Variants in PGAP2 observed in about 807,000 individuals in gnomAD.
PGAP2 encodes the protein post-GPI attachment to proteins 2, also known as acyltransferase PGAP2.
In PGAP2, 21 loss-of-function variants were observed where a neutral mutation model predicts 33.2. That is an observed-to-expected ratio of 0.63 (90% confidence interval 0.45 to 0.91). The LOEUF (loss-of-function observed/expected upper bound fraction) is 0.91. Among genes scored for constraint, PGAP2 ranks in the 40% least tolerant of loss-of-function variants. The pLI is 0.00. For synonymous variants in PGAP2, 161 were observed against 172.9 expected (o/e 0.93, Z 0.54); for missense variants, 345 against 424.0 (o/e 0.81, Z 1.64).
At chr11:3,807,053 A>T (rs1430686973), upstream of PGAP2, among the ~76,000 whole-genome samples, 1 of 149,748 alleles carries the variant, frequency 6.7e-6, no homozygotes, top group African/African-American at 2.5e-5. Flanking sequence ...GAAAAAAAAA[A>T]GGCCAGGCGC....
At chr11:3,803,468 C>A (rs536733488) in intron 1 of PGAP2, among the ~76,000 whole-genome samples, 2 of 151,874 alleles carry the variant, frequency 1.3e-5, no homozygotes, top group South Asian at 4.2e-4. Context: ...CACTCTGTCA[C>A]CCAGGCTGGA....
rs573519857 is a variant in PGAP2 at position 3,817,417 on chromosome 11, G to A, written c.230G>A (p.Arg77Gln). 2.4e-5 allele frequency: 39 copies of A among 1,614,144 alleles called. No individual in the cohort carries two copies. The highest frequency in any genetic ancestry group is 6.6e-5 in the South Asian group (6 of 91,080). The change falls in exon 3 of 7, where the codon CGG becomes CAG. Residue 77 changes from arginine (R) to glutamine (Q), a missense_variant. Physicochemically the swap from Arg to Gln is conservative, Grantham distance 43. Coordinates refer to ENST00000278243, the MANE Select transcript of PGAP2 (RefSeq NM_014489.4). ...QPLDPDGTLF[R>Q]LRFTAMVWWA... is the part of the protein sequence containing the mutation. ...TTGGACCCCGATGGGACCTTGTTCC[G>A]GCTTCGCTTCACAGCCATGGTCTGG...
At chr11:3,800,740 A>G in intron 1 of PGAP2, among the ~76,000 whole-genome samples, 1 of 142,894 alleles carries the variant, frequency 7.0e-6, no homozygotes, top group East Asian at 2.0e-4. Flanking sequence ...TGAACCTGGG[A>G]GGCGGAGGTT....
At chr11:3,804,421 G>T (rs776847226), upstream of PGAP2, among the ~76,000 whole-genome samples, 8 of 152,058 alleles carry the variant, frequency 5.3e-5, no homozygotes, top group Admixed American at 6.6e-5. Flanking sequence ...TCTTTGAGAA[G>T]AACAAGAATA....
rs1014789153 is a variant in PGAP2 at position 3,825,546 on chromosome 11, C to G, written c.*88C>G. The G allele has an allele frequency of 7.3e-7, 1 of 1,377,576 alleles. No individual in the cohort carries two copies. The highest frequency in any genetic ancestry group is 1.4e-5 in the African/African-American group (1 of 70,000). 85.3% of individuals were successfully genotyped at this position (1,377,576 alleles called of 1,614,324 possible). A position where few individuals can be genotyped will look rare whatever the true frequency, so the allele number is the denominator to read the frequency against. ...TCTGGCCTTCCCCACCCCACATCCT[C>G]TCTTGGCCTTACTGAAGATGGGGGA... On this transcript the variant is annotated 3_prime_UTR_variant, in exon 7 of 7. Transcript: ENST00000278243.
chr11:3,802,873 C>T (rs554356729), intron 1 of PGAP2, among the ~76,000 whole-genome samples: 1,927 of 147,958 alleles, frequency 0.013, 27 homozygotes, highest in Middle Eastern at 0.024. Context: ...TTTGCCTAGG[C>T]TGGAGTGCAG....
chr11:3,801,596 C>T lies in PGAP2; in HGVS notation c.139+3614C>T, dbSNP rs186425168. ...GGCGGAGCTTGCAGTGAGCAGAGAT[C>T]GCGCCACTGCACTCCAGCCTGGGTG... is the stretch of plus-strand genomic sequence containing the variant. On this transcript the variant is annotated intron_variant, in intron 1 of 6. Transcript: ENST00000300730. 4.7e-3 allele frequency among the ~76,000 whole-genome samples: 677 copies of T among 144,110 alleles called. 5 individuals are homozygous for T. Among genetic ancestry groups the T allele is most frequent in the Non-Finnish European group, 7.4e-3 (492 of 66,540 alleles). 94.5% of individuals were successfully genotyped at this position (144,110 alleles called of 152,430 possible).
upstream of PGAP2, among the ~76,000 whole-genome samples, chr11:3,807,761 G>T (rs1316955718): frequency 2.6e-5 from 4 of 152,218 alleles, no homozygotes; most frequent in African/African-American, 9.7e-5. Flanking sequence ...ACCCGCTGCA[G>T]ATGCTCTGAC....
At chr11:3,806,178 G>A (rs2084307513), upstream of PGAP2, among the ~76,000 whole-genome samples, 1 of 151,970 alleles carries the variant, frequency 6.6e-6, no homozygotes, top group African/African-American at 2.4e-5. Context: ...TCAGGGAATG[G>A]TACTTAGGGC....
chr11:3,820,009 C>A (rs541387397), intron 3 of PGAP2, among the ~76,000 whole-genome samples: 1 of 152,268 alleles, frequency 6.6e-6, no homozygotes, highest in East Asian at 1.9e-4. Context: ...TATCATTTCT[C>A]CCCAGTACCT....
chr11:3,817,426 T>C lies in PGAP2; in HGVS notation c.239T>C (p.Phe80Ser). Residue 80 changes from phenylalanine (F) to serine (S), a missense_variant, in exon 3 of 7, where the codon TTC (phenylalanine) becomes TCC (serine). Physicochemically the swap from Phe to Ser is radical, Grantham distance 155. Coordinates refer to ENST00000278243, the MANE Select transcript of PGAP2 (RefSeq NM_014489.4). ...GATGGGACCTTGTTCCGGCTTCGCT[T>C]CACAGCCATGGTCTGGTGGGCCATC... ...DPDGTLFRLR[F>S]TAMVWWAITF... 1 of 1,614,174 alleles carries C rather than the reference T, an allele frequency of 6.2e-7. No individual in the cohort carries two copies. The highest frequency in any genetic ancestry group is 8.5e-7 in the Non-Finnish European group (1 of 1,180,018).
At chr11:3,808,294 G>T (rs2084812963), upstream of PGAP2, 7 of 1,551,528 alleles carry the variant, frequency 4.5e-6, no homozygotes, top group South Asian at 8.3e-5. Flanking sequence ...CTTTCAACAG[G>T]TAGATGGAAC....
chr11:3,823,024 C>CTTTTTTTTTTTTTTTTT lies in PGAP2; in HGVS notation c.349-845_349-829dup, dbSNP rs746736798. The stretch of plus-strand genomic sequence containing the variant: ...GAGCACCCACTTTCTTTTTTCTTTT[C>CTTTTTTTTTTTTTTTTT]TTTTTTTTTTTTTTTTTTTTTTTTT... On this transcript the variant is annotated intron_variant, in intron 3 of 6. Transcript: ENST00000278243. 354 of 307,662 alleles carry CTTTTTTTTTTTTTTTTT rather than the reference C, an allele frequency of 1.2e-3. 7 individuals carry two copies. Among genetic ancestry groups the CTTTTTTTTTTTTTTTTT allele is most frequent in the South Asian group, 2.4e-3 (70 of 28,902 alleles). The allele number at this position is 307,662 out of a possible 1,614,324, so 19.1% of individuals were successfully genotyped here.
chr11:3,802,993 A>ATT (rs772953745), intron 1 of PGAP2, among the ~76,000 whole-genome samples: 1,912 of 120,924 alleles, frequency 0.016, 184 homozygotes, highest in African/African-American at 0.057. Flanking sequence ...CACCCGGCTA[A>ATT]TTTTTTTTTT....
intron 2 of PGAP2, among the ~76,000 whole-genome samples, chr11:3,814,747 C>CTT (rs879535824): frequency 9.8e-6 from 1 of 102,144 alleles, no homozygotes; most frequent in African/African-American, 3.2e-5. Context: ...TTCTTTCCTT[C>CTT]TTTTCTTTCT....
chr11:3,811,378 G>A lies in PGAP2; in HGVS notation c.119G>A (p.Trp40Ter), dbSNP rs376934151. 2 of 1,613,918 alleles carry A rather than the reference G, an allele frequency of 1.2e-6. No homozygotes were observed. The highest frequency in any genetic ancestry group is 1.7e-6 in the Non-Finnish European group (2 of 1,179,970). The change falls in exon 2 of 7, where the codon TGG (tryptophan) becomes TAG (stop). Residue 40 changes from tryptophan (W) to a stop codon, truncating the protein, a stop_gained. Transcript: ENST00000278243. LOFTEE classifies it high-confidence loss of function. The surrounding 1 kb of genome is among the most constrained non-coding windows in gnomAD (Gnocchi z 4.6). The part of the protein sequence containing the change: ...PLVAFLFCIL[W>*]SLLFHFKETT... Reference sequence around the variant, plus strand: ...GTCGCCTTCCTCTTCTGCATCCTCTGGTCCCTGCTCTTCCACTTCAAGGAG... The same window carrying A: ...GTCGCCTTCCTCTTCTGCATCCTCTAGTCCCTGCTCTTCCACTTCAAGGAG...
In PGAP2 at chr11:3,801,950, CTAAATAAA is replaced by C. The variant is rs112517361; in HGVS notation, c.139+3989_139+3996del. Among the ~76,000 whole-genome samples the C allele has an allele frequency of 1.9e-4, 29 of 151,852 alleles. No individual in the cohort carries two copies. The Middle Eastern group carries it at 0.01, about 53-fold the overall frequency. On this transcript the variant is annotated intron_variant, in intron 1 of 6. Transcript: ENST00000300730. Reference sequence around the variant, plus strand: ...TGTGTGACAGAGGGAGATTCTGTCTCTAAATAAATAAATAAATAAATAAATAAAAATGT... The same window carrying C: ...TGTGTGACAGAGGGAGATTCTGTCTCTAAATAAATAAATAAATAAAAATGT...
intron 3 of PGAP2, among the ~76,000 whole-genome samples, chr11:3,818,877 T>C (rs555977727): frequency 6.6e-6 from 1 of 152,272 alleles, no homozygotes; most frequent in African/African-American, 2.4e-5. Context: ...TCACGCAGCT[T>C]GGACATTGGG....
At chr11:3,814,241 C>T (rs1345441307) in intron 2 of PGAP2, among the ~76,000 whole-genome samples, 4 of 152,106 alleles carry the variant, frequency 2.6e-5, no homozygotes, top group Admixed American at 6.6e-5. Flanking sequence ...TAATAATTAG[C>T]CTTTTTCTTT....
Sources: gnomAD v4.1 joint callset for allele counts (sites outside exome capture counted in the v4.1 genomes callset) on GRCh38, gnomAD v4.1.1 for gene constraint, Gnocchi (gnomAD v3.1) non-coding constraint, MANE v1.5 for transcripts, NCBI Gene and HGNC (gene_info 2026-07-23, HGNC 2026-07-21) for gene names.